TECPR1: variants seen among roughly 807,000 people sequenced by gnomAD.
TECPR1 encodes tectonin beta-propeller repeat-containing protein 1.
TECPR1 carries 122 observed loss-of-function variants against 162.4 expected under a neutral mutation model. The ratio of observed to expected loss-of-function variants is 0.75; its 90% CI spans 0.65 to 0.87. TECPR1 has a LOEUF of 0.87. Among genes scored for constraint, TECPR1 ranks in the 40% least tolerant of loss-of-function variants. The pLI, the probability that TECPR1 is intolerant of heterozygous loss-of-function variation, is 0.00. For synonymous variants in TECPR1, 642 were observed against 670.6 expected (o/e 0.96, Z 0.66); for missense variants, 1,432 against 1,618.2 (o/e 0.88, Z 1.97).
chr7:98,242,888 A>G (rs111219209), intron 6 of TECPR1, among the ~76,000 whole-genome samples: 1,918 of 9,502 alleles, frequency 0.2, no homozygotes, highest in East Asian at 0.38. Flanking sequence ...ATCTACCCAT[A>G]CACCCACCCA....
intron 6 of TECPR1, among the ~76,000 whole-genome samples, chr7:98,242,130 C>T (rs963530316): frequency 6.6e-6 from 1 of 152,228 alleles, no homozygotes; most frequent in Non-Finnish European, 1.5e-5. Context: ...CAACTGTGTT[C>T]GCCTGTTCCC....
Position 98,231,027 on chromosome 7 carries a change from T to A in TECPR1, c.2216A>T (p.Asp739Val), listed in dbSNP as rs769687479. ...QAIWSITCKG[D>V]IFVSEPSPDL... Reference sequence around the variant, plus strand: ...TGGGCTGGGCTCGCTCACGAAGATGTCCCCCTTGCAGGTGATGGACCAGAT... The same window carrying A: ...TGGGCTGGGCTCGCTCACGAAGATGACCCCCTTGCAGGTGATGGACCAGAT... The change falls in exon 15 of 26, where the codon GAC becomes GTC. Residue 739 changes from aspartate (D) to valine (V), a missense_variant. Physicochemically the swap from Asp to Val is radical, Grantham distance 152. Transcript: ENST00000447648. The A allele has an allele frequency of 2.7e-5, 44 of 1,612,498 alleles. No individual in the cohort carries two copies. The highest frequency in any genetic ancestry group is 3.6e-5 in the Non-Finnish European group (42 of 1,179,560).
chr7:98,228,213 G>T, intron 16 of TECPR1, 97 bp from the exon 17 acceptor site: 1 of 979,634 alleles, frequency 1.0e-6, no homozygotes, highest in Non-Finnish European at 1.6e-6. Context: ...GAGACGGGGA[G>T]GGCGGGCTGG....
In TECPR1 at chr7:98,217,707, C is replaced by T; in HGVS notation, c.3369G>A (p.Trp1123Ter). ...VQPHEPKGHG[W>*]DYGIGGGWDH... ...CCCCGCTCACCCCGATGCCGTAGTCCCAGCCGTGGCCCTTGGGCTCGTGAG... is the reference window on the plus strand; with the variant it reads ...CCCCGCTCACCCCGATGCCGTAGTCTCAGCCGTGGCCCTTGGGCTCGTGAG... The change falls in exon 25 of 26, where the codon TGG becomes TGA. Residue 1123 changes from tryptophan to a stop codon, truncating the protein, a stop_gained. Coordinates refer to ENST00000447648, the MANE Select transcript of TECPR1 (RefSeq NM_015395.3). LOFTEE classifies it high-confidence loss of function. The T allele has an allele frequency of 6.5e-7, 1 of 1,546,286 alleles. No homozygotes were observed. Among genetic ancestry groups the T allele is most frequent in the African/African-American group, 1.4e-5 (1 of 73,100 alleles).
In TECPR1 at chr7:98,221,371, G is replaced by C. The variant is rs563655670; in HGVS notation, c.3157+290C>G. Reference sequence around the variant, plus strand: ...ATTGTTTGTAACATAAAGGCTTGAGGAGGTGGATACTCCCTTTACCCTGAT... The same window carrying C: ...ATTGTTTGTAACATAAAGGCTTGAGCAGGTGGATACTCCCTTTACCCTGAT... On this transcript the variant is annotated intron_variant, in intron 23 of 25. Coordinates refer to ENST00000447648, the MANE Select transcript of TECPR1 (RefSeq NM_015395.3). Among the ~76,000 whole-genome samples the C allele has an allele frequency of 2.0e-5, 3 of 152,124 alleles. No individual in the cohort carries two copies. The South Asian group carries it at 6.2e-4, about 32-fold the overall frequency.
At position 98,217,336 on chromosome 7, in the gene TECPR1, G is replaced by T. The variant is rs1274976774; in HGVS notation, c.*54C>A. On this transcript the variant is annotated 3_prime_UTR_variant, in exon 26 of 26. Coordinates refer to ENST00000447648, the MANE Select transcript of TECPR1 (RefSeq NM_015395.3). ...CACACTCCAGCACAAGAATGGCTCA[G>T]CCTTGATCCCCCAAACTGGGCACCG... is the stretch of plus-strand genomic sequence containing the variant. The T allele has an allele frequency of 1.7e-6, 2 of 1,189,814 alleles. No homozygotes were observed. The highest frequency in any genetic ancestry group is 2.4e-6 in the Non-Finnish European group (2 of 850,054). The allele number at this position is 1,189,814 out of a possible 1,614,324, so 73.7% of individuals were successfully genotyped here. A position where few individuals can be genotyped will look rare whatever the true frequency, so the allele number is the denominator to read the frequency against.
Position 98,221,663 on chromosome 7 carries a change from T to C in TECPR1, c.3155A>G (p.Asn1052Ser). 6.2e-7 allele frequency: 1 copy of C among 1,612,926 alleles called. No homozygotes were observed. The highest frequency in any genetic ancestry group is 2.2e-5 in the East Asian group (1 of 44,822). The change falls in exon 23 of 26, where the codon AAT (asparagine) becomes AGT (serine). Residue 1052 changes from asparagine (N) to serine (S), a missense_variant and splice_region_variant. Coordinates refer to ENST00000447648, the MANE Select transcript of TECPR1 (RefSeq NM_015395.3). ...AATTTAAAAAAAGAGCAACTTGCCA[T>C]TCTCATCCAGGGCATACACCGACGT... ...GQTSVYALDE[N>S]GNLWYRQGIT... is the part of the protein sequence containing the mutation.
At chr7:98,222,059 C>G (rs1798156212) in intron 22 of TECPR1, among the ~76,000 whole-genome samples, 1 of 152,232 alleles carries the variant, frequency 6.6e-6, no homozygotes. Flanking sequence ...CAGCTGAGTA[C>G]CAGCGTCCCC....
At chr7:98,231,540 C>G in intron 13 of TECPR1, 167 bp from the exon 14 acceptor site, 1 of 682,050 alleles carries the variant, frequency 1.5e-6, no homozygotes, top group Non-Finnish European at 2.3e-6. Flanking sequence ...ACCCCCTCCC[C>G]AGGCACCCCC....
chr7:98,234,640 C>A (rs573865916), intron 10 of TECPR1, among the ~76,000 whole-genome samples: 1 of 150,840 alleles, frequency 6.6e-6, no homozygotes, highest in East Asian at 2.0e-4. Context: ...TGTACCATTT[C>A]ACATTCCTAC....
chr7:98,240,795 A>C (rs1408723792), intron 8 of TECPR1, 56 bp downstream of exon 8: 1 of 1,402,142 alleles, frequency 7.1e-7, no homozygotes, highest in Non-Finnish European at 9.8e-7. Flanking sequence ...ATCACAGCTC[A>C]CTGCAGTCTC....
Position 98,228,678 on chromosome 7 carries a change from G to A in TECPR1, c.2410+361C>T, listed in dbSNP as rs539834513. On this transcript the variant is annotated intron_variant, in intron 16 of 25. Coordinates refer to ENST00000447648, the MANE Select transcript of TECPR1 (RefSeq NM_015395.3). ...ACGCCCCGTTTCAGTGTCTGTTTCC[G>A]CCTTCGTTTTCCAGTAGGAACAGAG... 50 of 226,470 alleles carry A rather than the reference G, an allele frequency of 2.2e-4. 1 individual carries two copies. Among genetic ancestry groups the A allele is most frequent in the South Asian group, 6.2e-4 (6 of 9,718 alleles). The allele number at this position is 226,470 out of a possible 1,614,324, so 14.0% of individuals were successfully genotyped here. A position where few individuals can be genotyped will look rare whatever the true frequency, so the allele number is the denominator to read the frequency against.
intron 15 of TECPR1, among the ~76,000 whole-genome samples, chr7:98,229,784 C>T (rs963242108): frequency 6.6e-6 from 1 of 152,168 alleles, no homozygotes; most frequent in Non-Finnish European, 1.5e-5. Context: ...GCTGTCCCCT[C>T]CTGCAGCCAG....
Position 98,233,905 on chromosome 7 carries a change from G to A in TECPR1, c.1188C>T (p.Gly396=), listed in dbSNP as rs1276153243. 2.0e-6 allele frequency: 3 copies of A among 1,532,594 alleles called. No individual in the cohort carries two copies. Among genetic ancestry groups the A allele is most frequent in the Non-Finnish European group, 2.6e-6 (3 of 1,135,380 alleles). 94.9% of individuals were successfully genotyped at this position (1,532,594 alleles called of 1,614,324 possible). A position where few individuals can be genotyped will look rare whatever the true frequency, so the allele number is the denominator to read the frequency against. ...SGSSSSLLSA[G]CFFGDEVRGS... ...CCCTCACCTCATCACCGAAGAAGCA[G>A]CCGGCACTGGGGACAAATCAGGGCA... The change falls in exon 11 of 26, where the codon GGC becomes GGT. Residue 396 remains glycine, a synonymous_variant. Coordinates refer to ENST00000447648, the MANE Select transcript of TECPR1 (RefSeq NM_015395.3).
At position 98,232,879 on chromosome 7, in the gene TECPR1, CT is replaced by C. The variant is rs1798482227; in HGVS notation, c.1765del (p.Arg589GlyfsTer22). ...GAAGTTCTCCAGCTCCCGCTTGGTC[CT>C]TTCCGTGAGCTGCTGGAAGATCTGC... is the stretch of plus-strand genomic sequence containing the variant. Reference protein sequence around the residue: ...RKQIFQQLTERTKRELENFRH... With the variant: ...RKQIFQQLTEXTKRELENFRH... On this transcript the variant is annotated frameshift_variant, in exon 12 of 26. Coordinates refer to ENST00000447648, the MANE Select transcript of TECPR1 (RefSeq NM_015395.3). LOFTEE classifies it high-confidence loss of function. This position sits in a 1 kb window ranked among gnomAD's most constrained non-coding sequence, Gnocchi z 4.6. 2 of 1,612,834 alleles carry C rather than the reference CT, an allele frequency of 1.2e-6. No homozygotes were observed. Among genetic ancestry groups the C allele is most frequent in the African/African-American group, 2.7e-5 (2 of 74,930 alleles).
intron 23 of TECPR1, among the ~76,000 whole-genome samples, chr7:98,221,364 G>T (rs1186492448): frequency 6.6e-6 from 1 of 152,066 alleles, no homozygotes; most frequent in Non-Finnish European, 1.5e-5. Context: ...TAACATAAAG[G>T]CTTGAGGAGG....
rs1365920547 is a variant in TECPR1, at chr7:98,241,573, A to G, written c.658-329T>C. Among the ~76,000 whole-genome samples the G allele has an allele frequency of 1.3e-5, 2 of 152,166 alleles. No homozygotes were observed. The highest frequency in any genetic ancestry group is 2.9e-5 in the Non-Finnish European group (2 of 68,014). On this transcript the variant is annotated intron_variant, in intron 6 of 25. Coordinates refer to ENST00000447648, the MANE Select transcript of TECPR1 (RefSeq NM_015395.3). This position sits in a 1 kb window ranked among gnomAD's most constrained non-coding sequence, Gnocchi z 5.0. Reference sequence around the variant, plus strand: ...TGCCCCCTTGTGGCGATGTGCTCTCAGGACACCCGGCTCCAGGGGAGGCTC... The same window carrying G: ...TGCCCCCTTGTGGCGATGTGCTCTCGGGACACCCGGCTCCAGGGGAGGCTC...
chr7:98,232,095 C>T lies in TECPR1; in HGVS notation c.1819-136G>A, dbSNP rs34304553. The T allele has an allele frequency of 0.44, 377,332 of 865,378 alleles. 90,773 individuals are homozygous for T. Among genetic ancestry groups the T allele is most frequent in the Middle Eastern group, 0.58 (1,621 of 2,812 alleles). 53.6% of individuals were successfully genotyped at this position (865,378 alleles called of 1,614,324 possible). On this transcript the variant is annotated intron_variant, in intron 12 of 25. Coordinates refer to ENST00000447648, the MANE Select transcript of TECPR1 (RefSeq NM_015395.3). This position sits in a 1 kb window ranked among gnomAD's most constrained non-coding sequence, Gnocchi z 4.6. ...CCAGCACTCCCGGCTGTCAGCCCAG[C>T]TCCCCCTATGCTAATGATAACAGTG...
In TECPR1 at chr7:98,229,181, G is replaced by A. The variant is rs370716856; in HGVS notation, c.2283-15C>T. The A allele has an allele frequency of 1.3e-6, 2 of 1,552,964 alleles. No individual in the cohort carries two copies. Among genetic ancestry groups the A allele is most frequent in the South Asian group, 1.2e-5 (1 of 84,126 alleles). ...GCCGCCAAAACCTGGAAGGATGGGA[G>A]AGGGCAGGTGGAAACCCCTCAGACC... On this transcript the variant is annotated splice_polypyrimidine_tract_variant and intron_variant, in intron 15 of 25. Transcript: ENST00000447648.
Sources: gnomAD v4.1 joint callset for allele counts (sites outside exome capture counted in the v4.1 genomes callset) on GRCh38, gnomAD v4.1.1 for gene constraint, Gnocchi (gnomAD v3.1) non-coding constraint, MANE v1.5 for transcripts, NCBI Gene and HGNC (gene_info 2026-07-23, HGNC 2026-07-21) for gene names.